The following KIAA0825 variants were observed in gnomAD, a reference collection of about 807,000 sequenced individuals.
KIAA0825 encodes uncharacterized protein KIAA0825.
Under a neutral mutation model 147.6 loss-of-function variants are expected in KIAA0825, and 119 were observed. That is an observed-to-expected ratio of 0.81 (90% CI 0.69 to 0.94). The LOEUF is 0.94. Ranked by LOEUF, KIAA0825 falls within the 40% of genes least tolerant of loss-of-function variation. KIAA0825 has a pLI of 0.00. For synonymous variants in KIAA0825, 470 were observed against 518.1 expected, an observed-to-expected ratio of 0.91 and a Z score of 1.26; for missense variants, 1,381 against 1,472.7, an observed-to-expected ratio of 0.94 and a Z score of 1.02.
intron 20 of KIAA0825, among the ~76,000 whole-genome samples, chr5:94,335,995 G>C (rs1403351380): frequency 6.6e-6 from 1 of 152,116 alleles, no homozygotes; most frequent in African/African-American, 2.4e-5. Context: ...ATATGGCTTA[G>C]TATATTCTCA....
intron 16 of KIAA0825, among the ~76,000 whole-genome samples, chr5:94,397,884 C>T (rs1411522919): frequency 1.3e-5 from 2 of 152,054 alleles, no homozygotes; most frequent in Admixed American, 6.6e-5. Flanking sequence ...TCTGTGTCCT[C>T]ATCACCATCA....
chr5:94,513,435 C>T (rs539232702), intron 5 of KIAA0825, among the ~76,000 whole-genome samples: 263 of 152,138 alleles, frequency 1.7e-3, no homozygotes, highest in African/African-American at 5.9e-3. Flanking sequence ...TCTTTGCAAC[C>T]TTAGGAAGAA....
chr5:94,369,493 G>A (rs1003441412), intron 20 of KIAA0825, among the ~76,000 whole-genome samples: 2 of 152,150 alleles, frequency 1.3e-5, no homozygotes, highest in Admixed American at 6.6e-5. Context: ...GAGCGAATGA[G>A]TTAGCTTCAG....
rs149993224 is a variant in KIAA0825 at position 94,242,981 on chromosome 5, A to G, written c.3711-88857T>C. ...ATTTTTTAGTTCTTCAAGTCTGTTG[A>G]GCATTTTTCTGTTTCCTTTGTCATA... On this transcript the variant is annotated intron_variant, in intron 20 of 20. Transcript: ENST00000682413. 2.4e-3 allele frequency among the ~76,000 whole-genome samples: 371 copies of G among 152,130 alleles called. 4 individuals carry two copies. The highest frequency in any genetic ancestry group is 8.5e-3 in the African/African-American group (354 of 41,520).
chr5:94,522,944 TA>T (rs1301723271), intron 4 of KIAA0825, among the ~76,000 whole-genome samples: 4 of 151,716 alleles, frequency 2.6e-5, no homozygotes, highest in Admixed American at 2.6e-4. Flanking sequence ...TAATAGAAAT[TA>T]AAGGAATAAC....
At chr5:94,403,849 T>A in intron 15 of KIAA0825, 56 bp from the exon 16 acceptor site, 1 of 1,384,798 alleles carries the variant, frequency 7.2e-7, no homozygotes, top group Non-Finnish European at 1.0e-6. Flanking sequence ...CAGTTGTGCC[T>A]TGCTCAACTA....
intron 5 of KIAA0825, among the ~76,000 whole-genome samples, chr5:94,503,356 G>C (rs1016471287): frequency 6.6e-6 from 1 of 152,030 alleles, no homozygotes; most frequent in Non-Finnish European, 1.5e-5. Context: ...ACACATTCAA[G>C]CTTTCATAAA....
At chr5:94,427,044 C>G (rs1406787546) in intron 14 of KIAA0825, among the ~76,000 whole-genome samples, 2 of 151,968 alleles carry the variant, frequency 1.3e-5, no homozygotes, top group Non-Finnish European at 2.9e-5. Flanking sequence ...TATTTTTTAT[C>G]TTGTCTTGTA....
At chr5:94,263,448 A>T (rs1226481669) in intron 20 of KIAA0825, among the ~76,000 whole-genome samples, 1 of 152,118 alleles carries the variant, frequency 6.6e-6, no homozygotes, top group African/African-American at 2.4e-5. Flanking sequence ...AACAGGATTC[A>T]TGTGTTTTGG....
chr5:94,358,780 G>A (rs997122313), intron 20 of KIAA0825, among the ~76,000 whole-genome samples: 3 of 152,092 alleles, frequency 2.0e-5, no homozygotes, highest in African/African-American at 7.2e-5. Context: ...TAATATTCTG[G>A]TGCAGTTATT....
intron 20 of KIAA0825, among the ~76,000 whole-genome samples, chr5:94,251,824 C>T (rs1387186867): frequency 6.6e-6 from 1 of 151,964 alleles, no homozygotes; most frequent in Non-Finnish European, 1.5e-5. Flanking sequence ...TGCAGGCCAA[C>T]TCGACATTTC....
At chr5:94,322,187 C>T (rs991134815) in intron 20 of KIAA0825, among the ~76,000 whole-genome samples, 1 of 151,848 alleles carries the variant, frequency 6.6e-6, no homozygotes, top group African/African-American at 2.4e-5. Context: ...GACTTTAAAA[C>T]TCTTTTTAGC....
intron 20 of KIAA0825, among the ~76,000 whole-genome samples, chr5:94,193,880 A>G (rs1291537071): frequency 6.6e-6 from 1 of 152,162 alleles, no homozygotes; most frequent in Non-Finnish European, 1.5e-5. Context: ...TTAAAGATTT[A>G]GTCTGCCCCA....
intron 5 of KIAA0825, among the ~76,000 whole-genome samples, chr5:94,516,611 G>A (rs1381870793): frequency 1.3e-5 from 2 of 149,466 alleles, no homozygotes; most frequent in African/African-American, 4.9e-5. Flanking sequence ...AGACCACGGT[G>A]AAACCCCGTC....
chr5:94,386,270 C>A lies in KIAA0825; in HGVS notation c.3591G>T (p.Ala1197=). The A allele has an allele frequency of 6.5e-7, 1 of 1,549,314 alleles. No homozygotes were observed. Among genetic ancestry groups the A allele is most frequent in the Non-Finnish European group, 8.7e-7 (1 of 1,146,058 alleles). Residue 1197 remains alanine (A), a synonymous_variant, in exon 19 of 21, where the codon GCG becomes GCT. Coordinates refer to ENST00000682413, the MANE Select transcript of KIAA0825 (RefSeq NM_001145678.3). The part of the protein sequence containing the change: ...SAFNPFHVYK[A]FSENMLDQVS... ...CCTGATCTAGCATGTTTTCACTAAA[C>A]GCCTTATACACATGGAAAGGGTTAA...
intron 14 of KIAA0825, among the ~76,000 whole-genome samples, chr5:94,432,857 T>A (rs7701343): frequency 0.23 from 35,118 of 151,892 alleles, 4,536 homozygotes; most frequent in Middle Eastern, 0.32. Context: ...AAGACCCCAT[T>A]TCTAATAATA....
chr5:94,374,214 G>A (rs191628171), intron 20 of KIAA0825, among the ~76,000 whole-genome samples: 1 of 152,280 alleles, frequency 6.6e-6, no homozygotes, highest in East Asian at 1.9e-4. Flanking sequence ...GTGAATTTTG[G>A]TTCAATCTGA....
intron 17 of KIAA0825, among the ~76,000 whole-genome samples, chr5:94,394,094 C>A (rs528075147): frequency 6.6e-6 from 1 of 151,840 alleles, no homozygotes; most frequent in South Asian, 2.1e-4. Flanking sequence ...TCAGGTGATC[C>A]GCCTGCCTTA....
chr5:94,580,862 C>T (rs1781995697), intron 2 of KIAA0825, among the ~76,000 whole-genome samples: 1 of 22,526 alleles, frequency 4.4e-5, no homozygotes, highest in Non-Finnish European at 7.3e-5. Context: ...GGCGACAGAG[C>T]GAGACTCCGT....
Sources: gnomAD v4.1 joint callset for allele counts (sites outside exome capture counted in the v4.1 genomes callset) on GRCh38, gnomAD v4.1.1 for gene constraint, MANE v1.5 for transcripts, NCBI Gene and HGNC (gene_info 2026-07-23, HGNC 2026-07-21) for gene names.